The following FARP1 variants were observed in gnomAD, a reference collection of about 807,000 sequenced individuals.
The protein encoded by FARP1 is FERM, ARH/RhoGEF and pleckstrin domain protein 1, also known as FERM, ARHGEF and pleckstrin domain-containing protein 1.
FARP1 carries 52 observed loss-of-function variants against 128.8 expected under a neutral mutation model. That is an observed-to-expected ratio of 0.40 (90% CI 0.32 to 0.51). FARP1 has a LOEUF of 0.51. Among genes scored for constraint, FARP1 ranks in the 20% least tolerant of loss-of-function variants. The probability of loss-of-function intolerance (pLI) is 0.45; values close to 1 mark genes in which losing one functional copy is unlikely to be tolerated. For missense variants in FARP1, 1,333 were observed against 1,367.9 expected, an observed-to-expected ratio of 0.97 and a Z score of 0.40; for synonymous variants, 580 against 551.8, an observed-to-expected ratio of 1.05 and a Z score of -0.72.
At position 98,438,980 on chromosome 13, in the gene FARP1, G is replaced by T. The variant is rs926087566; in HGVS notation, c.2343+108G>T. 10 of 1,417,916 alleles carry T rather than the reference G, an allele frequency of 7.1e-6. No homozygotes were observed. The African/African-American group carries it at 1.1e-4, about 16-fold the overall frequency. The allele number at this position is 1,417,916 out of a possible 1,614,324, so 87.8% of individuals were successfully genotyped here. A position where few individuals can be genotyped will look rare whatever the true frequency, so the allele number is the denominator to read the frequency against. The stretch of plus-strand genomic sequence containing the variant: ...AAGTGAGGGACCTGGGGTAGAGGAA[G>T]AGCAGCCAGAGGTGCCCAGGCCCAA... On this transcript the variant is annotated intron_variant, in intron 20 of 26. Coordinates refer to ENST00000319562, the MANE Select transcript of FARP1 (RefSeq NM_005766.4).
intron 3 of FARP1, among the ~76,000 whole-genome samples, chr13:98,348,988 G>A (rs1888293603): frequency 6.6e-6 from 1 of 152,204 alleles, no homozygotes; most frequent in African/African-American, 2.4e-5. Context: ...TGTTCTGTAT[G>A]TCGCATGTGG....
intron 1 of FARP1, among the ~76,000 whole-genome samples, chr13:98,181,661 A>AGAGAGT (rs138526104): frequency 1.0e-4 from 15 of 148,658 alleles, no homozygotes; most frequent in South Asian, 6.4e-4. Flanking sequence ...AGAGAGAGAG[A>AGAGAGT]GTCTCACTGT....
intron 16 of FARP1, among the ~76,000 whole-genome samples, chr13:98,419,483 TACACACACACACAC>T (rs57751374): frequency 8.6e-5 from 12 of 139,956 alleles, no homozygotes; most frequent in African/African-American, 2.7e-4. Flanking sequence ...CAAAAAAAAA[TACACACACACACAC>T]ACACACACAC....
At chr13:98,221,933 A>G (rs936624975) in intron 2 of FARP1, among the ~76,000 whole-genome samples, 3 of 152,268 alleles carry the variant, frequency 2.0e-5, no homozygotes, top group Non-Finnish European at 2.9e-5. Flanking sequence ...CTGATTTTAA[A>G]AAACTATCTG....
intron 2 of FARP1, among the ~76,000 whole-genome samples, chr13:98,343,103 T>C (rs1219404662): frequency 6.6e-6 from 1 of 152,048 alleles, no homozygotes; most frequent in African/African-American, 2.4e-5. Flanking sequence ...GGCTACGTAC[T>C]GTATGAGTCC....
intron 2 of FARP1, among the ~76,000 whole-genome samples, chr13:98,269,937 C>T (rs1884309792): frequency 6.6e-6 from 1 of 152,150 alleles, no homozygotes; most frequent in Non-Finnish European, 1.5e-5. Flanking sequence ...AGCAACATGT[C>T]TCTACTAAAA....
intron 1 of FARP1, among the ~76,000 whole-genome samples, chr13:98,188,679 C>CG (rs1025202210): frequency 2.0e-5 from 3 of 152,130 alleles, no homozygotes; most frequent in African/African-American, 7.2e-5. Context: ...GGCTGACCTG[C>CG]GGGTCCCCTG....
chr13:98,359,625 T>A (rs1888783411), intron 3 of FARP1, among the ~76,000 whole-genome samples: 1 of 152,216 alleles, frequency 6.6e-6, no homozygotes, highest in African/African-American at 2.4e-5. Context: ...CATGAGACTA[T>A]AATCCTGGGT....
intron 2 of FARP1, among the ~76,000 whole-genome samples, chr13:98,336,135 A>G (rs573604143): frequency 2.6e-4 from 39 of 152,210 alleles, no homozygotes; most frequent in Non-Finnish European, 4.6e-4. Context: ...CAACCTATAG[A>G]AGGAATGGTG....
rs975535139 is a variant in FARP1, at chr13:98,309,408, A to G, written c.172-34354A>G. Among the ~76,000 whole-genome samples the G allele has an allele frequency of 1.3e-4, 20 of 149,720 alleles. No homozygotes were observed. The South Asian group carries it at 1.9e-3, about 14-fold the overall frequency. On this transcript the variant is annotated intron_variant, in intron 2 of 26. Transcript: ENST00000319562. ...ATGGTCTCGATCTCCTGACCTCGTG[A>G]TCCGCCCGCCTCGGCCTCCCAAAGT...
At chr13:98,286,550 A>G (rs907980202) in intron 2 of FARP1, among the ~76,000 whole-genome samples, 2 of 152,206 alleles carry the variant, frequency 1.3e-5, no homozygotes, top group African/African-American at 4.8e-5. Context: ...CATGTGAGAC[A>G]TACCTTTCAC....
intron 2 of FARP1, among the ~76,000 whole-genome samples, chr13:98,216,016 C>T (rs1471330761): frequency 6.6e-6 from 1 of 152,170 alleles, no homozygotes; most frequent in Non-Finnish European, 1.5e-5. Context: ...GTCTTGATCT[C>T]CTGACCTCGT....
At position 98,390,129 on chromosome 13, in the gene FARP1, G is replaced by C. The variant is rs113754875; in HGVS notation, c.1019+9G>C. 1.2e-5 allele frequency: 19 copies of C among 1,610,046 alleles called. No individual in the cohort carries two copies. The highest frequency in any genetic ancestry group is 2.7e-5 in the African/African-American group (2 of 74,676). ...TCATCATTTCGGTTCAGGTGAGGTC[G>C]CCACTTTGTGCCTCTGTTTGCTGGG... On this transcript the variant is annotated intron_variant, in intron 10 of 26. Coordinates refer to ENST00000319562, the MANE Select transcript of FARP1 (RefSeq NM_005766.4).
At position 98,288,465 on chromosome 13, in the gene FARP1, T is replaced by C. The variant is rs527709926; in HGVS notation, c.172-55297T>C. Among the ~76,000 whole-genome samples the C allele has an allele frequency of 2.0e-5, 3 of 152,322 alleles. No individual in the cohort carries two copies. The South Asian group carries it at 6.2e-4, about 32-fold the overall frequency. On this transcript the variant is annotated intron_variant, in intron 2 of 26. Coordinates refer to ENST00000319562, the MANE Select transcript of FARP1 (RefSeq NM_005766.4). ...GACTTCAGTATGAGCCAAAGCACTA[T>C]TACTTCCTTGGAGTCTTTCCTGCTT...
intron 11 of FARP1, among the ~76,000 whole-genome samples, chr13:98,393,031 A>G (rs1192469592): frequency 6.6e-6 from 1 of 152,186 alleles, no homozygotes; most frequent in Non-Finnish European, 1.5e-5. Context: ...AGTCTCATGA[A>G]TTTCAGGACC....
intron 4 of FARP1, among the ~76,000 whole-genome samples, chr13:98,366,035 T>C (rs1445989839): frequency 6.6e-6 from 1 of 152,110 alleles, no homozygotes; most frequent in Non-Finnish European, 1.5e-5. Context: ...GAATGCTTCC[T>C]TTTTCTCTCT....
chr13:98,274,488 A>G (rs1446669002), intron 2 of FARP1, among the ~76,000 whole-genome samples: 1 of 152,118 alleles, frequency 6.6e-6, no homozygotes, highest in Admixed American at 6.6e-5. Flanking sequence ...CACCAACCTA[A>G]TATTTCTACG....
intron 2 of FARP1, among the ~76,000 whole-genome samples, chr13:98,315,063 A>G (rs1200553347): frequency 6.6e-6 from 1 of 151,950 alleles, no homozygotes; most frequent in Non-Finnish European, 1.5e-5. Context: ...GGCTCCTTAA[A>G]TGGCTCTTTG....
intron 1 of FARP1, among the ~76,000 whole-genome samples, chr13:98,162,913 C>T (rs1211180887): frequency 1.3e-5 from 2 of 152,082 alleles, no homozygotes; most frequent in East Asian, 1.9e-4. Context: ...AGCAGTGTGG[C>T]GATTTCTCAG....
Sources: gnomAD v4.1 joint callset for allele counts (sites outside exome capture counted in the v4.1 genomes callset) on GRCh38, gnomAD v4.1.1 for gene constraint, MANE v1.5 for transcripts, NCBI Gene and HGNC (gene_info 2026-07-23, HGNC 2026-07-21) for gene names.